Variants in AMMECR1 observed in about 807,000 individuals in gnomAD.
AMMECR1 encodes nuclear protein AMMECR1.
AMMECR1 carries 3 observed loss-of-function variants against 22.5 expected under a neutral mutation model. The ratio of observed to expected loss-of-function variants is 0.13; its 90% CI spans 0.06 to 0.35. AMMECR1 has a LOEUF of 0.35. AMMECR1 is among the 10% of genes least tolerant of loss of function. The pLI is 1.00. For synonymous variants in AMMECR1, 130 were observed against 116.7 expected, an observed-to-expected ratio of 1.11 and a Z score of -0.74; for missense variants, 235 against 278.7, an observed-to-expected ratio of 0.84 and a Z score of 1.12.
intron 1 of AMMECR1, among the ~76,000 whole-genome samples, chrX:110,297,213 G>A (rs2067941419): frequency 8.9e-6 from 1 of 112,020 alleles, no homozygotes; most frequent in Non-Finnish European, 1.9e-5. Flanking sequence ...TCAATGCTCT[G>A]AGAGTTTACA....
At chrX:110,307,794 A>T (rs1224478739) in intron 1 of AMMECR1, among the ~76,000 whole-genome samples, 1 of 106,700 alleles carries the variant, frequency 9.4e-6, no homozygotes, top group Non-Finnish European at 1.9e-5. Context: ...TATTAAAAGG[A>T]CCCATAGCAG....
intron 2 of AMMECR1, among the ~76,000 whole-genome samples, chrX:110,245,608 CA>C (rs1021131970): frequency 1.8e-4 from 20 of 110,896 alleles, no homozygotes; most frequent in Non-Finnish European, 3.2e-4. Flanking sequence ...TTGCTAAATA[CA>C]AAATCTCCCA....
At chrX:110,327,871 G>A (rs976193868) in intron 2 of AMMECR1, among the ~76,000 whole-genome samples, 11 of 111,282 alleles carry the variant, frequency 9.9e-5, no homozygotes, top group Admixed American at 8.6e-4. Context: ...ACAAAGCATC[G>A]ATTATTATTC....
intron 2 of AMMECR1, among the ~76,000 whole-genome samples, chrX:110,351,486 G>A (rs1007602948): frequency 1.8e-5 from 2 of 111,753 alleles, no homozygotes; most frequent in Non-Finnish European, 3.8e-5. Flanking sequence ...ACATTTCCAC[G>A]AGGAAAACAG....
chrX:110,278,530 G>A (rs763650805), intron 1 of AMMECR1, among the ~76,000 whole-genome samples: 14 of 111,648 alleles, frequency 1.3e-4, no homozygotes, highest in African/African-American at 3.9e-4. Context: ...CACTTTCCAC[G>A]TCTCTTTAGG....
At chrX:110,421,441 A>G (rs2068716597) in intron 2 of AMMECR1, among the ~76,000 whole-genome samples, 1 of 112,734 alleles carries the variant, frequency 8.9e-6, no homozygotes, top group African/African-American at 3.2e-5. Flanking sequence ...TAGATAAGTC[A>G]CGGGTCAGAG....
intron 2 of AMMECR1, among the ~76,000 whole-genome samples, chrX:110,367,923 C>T (rs751825841): frequency 1.8e-5 from 2 of 109,370 alleles, no homozygotes; most frequent in South Asian, 4.0e-4. Context: ...ATCCTCCCAC[C>T]TCAGATTTCC....
At chrX:110,394,406 C>A (rs2068515494) in intron 2 of AMMECR1, among the ~76,000 whole-genome samples, 1 of 111,520 alleles carries the variant, frequency 9.0e-6, no homozygotes, top group Middle Eastern at 4.6e-3. Context: ...CGTGTGCCAC[C>A]ATGCCTGGCT....
At chrX:110,205,906 A>G (rs1016813303) in intron 3 of AMMECR1, among the ~76,000 whole-genome samples, 4 of 112,472 alleles carry the variant, frequency 3.6e-5, no homozygotes, top group African/African-American at 1.3e-4. Flanking sequence ...CAACGGATTC[A>G]TATTTCATGC....
chrX:110,286,885 T>C (rs996661551), intron 1 of AMMECR1, among the ~76,000 whole-genome samples: 7 of 110,921 alleles, frequency 6.3e-5, no homozygotes, highest in African/African-American at 2.3e-4. Flanking sequence ...TATCTGATTA[T>C]CTTTGATAGC....
At chrX:110,245,794 G>A (rs2067655733) in intron 2 of AMMECR1, among the ~76,000 whole-genome samples, 1 of 110,804 alleles carries the variant, frequency 9.0e-6, no homozygotes, top group African/African-American at 3.3e-5. Context: ...TCCTCCCAAA[G>A]TTTTCAGCCA....
intron 1 of AMMECR1, among the ~76,000 whole-genome samples, chrX:110,316,038 A>G (rs892995114): frequency 8.0e-5 from 9 of 112,456 alleles, no homozygotes; most frequent in African/African-American, 2.9e-4. Flanking sequence ...ATTTATAAAG[A>G]TATTTATTTG....
intron 3 of AMMECR1, among the ~76,000 whole-genome samples, chrX:110,204,658 A>G (rs2067413571): frequency 8.9e-6 from 1 of 111,867 alleles, no homozygotes; most frequent in African/African-American, 3.3e-5. Flanking sequence ...TTATAGGAGT[A>G]CATCCTGTGT....
At chrX:110,340,219 C>T (rs1348221058) in intron 2 of AMMECR1, among the ~76,000 whole-genome samples, 3 of 111,194 alleles carry the variant, frequency 2.7e-5, no homozygotes, top group African/African-American at 9.8e-5. Flanking sequence ...AATGAGATAA[C>T]GCATGTAAAG....
At chrX:110,335,496 A>C (rs994928639) in intron 2 of AMMECR1, among the ~76,000 whole-genome samples, 1 of 111,916 alleles carries the variant, frequency 8.9e-6, no homozygotes, top group African/African-American at 3.3e-5. Context: ...TAAACATGGG[A>C]TAAATGAATC....
chrX:110,343,273 C>T (rs1413036095), intron 2 of AMMECR1, among the ~76,000 whole-genome samples: 1 of 111,690 alleles, frequency 9.0e-6, no homozygotes, highest in Non-Finnish European at 1.9e-5. Flanking sequence ...GCAGAAAAGG[C>T]CTTCGACAAA....
intron 2 of AMMECR1, among the ~76,000 whole-genome samples, chrX:110,325,511 G>T (rs1338250881): frequency 9.0e-6 from 1 of 111,476 alleles, no homozygotes; most frequent in Admixed American, 9.5e-5. Flanking sequence ...GTTTCTTTTT[G>T]AGTCACTTTT....
At chrX:110,218,059 ATAATT>A (rs2067482893) in intron 2 of AMMECR1, among the ~76,000 whole-genome samples, 1 of 111,754 alleles carries the variant, frequency 8.9e-6, no homozygotes, top group Non-Finnish European at 1.9e-5. Context: ...TCACTATTTT[ATAATT>A]TAATTACGTA....
chrX:110,199,777 C>G (rs6642757), intron 5 of AMMECR1, among the ~76,000 whole-genome samples: 2 of 111,243 alleles, frequency 1.8e-5, no homozygotes, highest in Non-Finnish European at 3.8e-5. Flanking sequence ...GCCACAGATT[C>G]TTAGATAATA....
Sources: gnomAD v4.1 joint callset for allele counts (sites outside exome capture counted in the v4.1 genomes callset) on GRCh38, gnomAD v4.1.1 for gene constraint, MANE v1.5 for transcripts, NCBI Gene and HGNC (gene_info 2026-07-23, HGNC 2026-07-21) for gene names.